Variants in CWF19L2 observed in about 807,000 individuals in gnomAD.
The protein encoded by CWF19L2 is CWF19 like cell cycle control factor 2.
A neutral mutation model predicts 111.7 loss-of-function variants in CWF19L2; 98 were observed. The observed-to-expected ratio is 0.88, with a 90% CI of 0.75 to 1.04. The LOEUF (loss-of-function observed/expected upper bound fraction) is 1.04. CWF19L2 is among the 50% of genes least tolerant of loss of function. The probability of loss-of-function intolerance (pLI) is 0.00; values close to 1 mark genes in which losing one functional copy is unlikely to be tolerated. For synonymous variants in CWF19L2, 351 were observed against 342.9 expected (o/e 1.02, Z -0.26); for missense variants, 1,101 against 1,051.4 (o/e 1.05, Z -0.65).
chr11:107,373,664 T>C lies in CWF19L2; in HGVS notation c.1872+16410A>G, dbSNP rs1217442726. On this transcript the variant is annotated intron_variant, in intron 12 of 17. Transcript: ENST00000282251. ...CCAAAAGTAGATAAAACCACAAAGA[T>C]GGGGAAAAAACAGAACAGAAAAACT... is the stretch of plus-strand genomic sequence containing the variant. 2.3e-5 allele frequency among the ~76,000 whole-genome samples: 3 copies of C among 129,376 alleles called. 1 individual carries two copies. Among genetic ancestry groups the C allele is most frequent in the African/African-American group, 9.2e-5 (3 of 32,506 alleles). The allele number at this position is 129,376 out of a possible 152,430, so 84.9% of individuals were successfully genotyped here.
chr11:107,398,150 C>G (rs577847060), intron 10 of CWF19L2, among the ~76,000 whole-genome samples: 1 of 152,178 alleles, frequency 6.6e-6, no homozygotes, highest in East Asian at 1.9e-4. Context: ...CACACTAGTT[C>G]GCCAGCAATG....
At chr11:107,457,631 G>C in intron 1 of CWF19L2, 81 bp downstream of exon 1, 3 of 997,282 alleles carry the variant, frequency 3.0e-6, no homozygotes, top group South Asian at 2.8e-5. Context: ...CGAGGTAAGG[G>C]AAGGGGTGAG....
intron 10 of CWF19L2, chr11:107,404,359 G>C: frequency 1.3e-6 from 1 of 790,354 alleles, no homozygotes. Flanking sequence ...AGACCTTTCA[G>C]CTGTACCTCA....
In CWF19L2 at chr11:107,454,525, T is replaced by G; in HGVS notation, c.264A>C (p.Lys88Asn). ...KKKKKDKHSK[K>N]AKKEKKKKSK... ...TCTTTTTTTTCTTTTCTTTCTTTGCTTTTTTTGAATGCTTGTCTTTTTTCT... is the reference window on the plus strand; with the variant it reads ...TCTTTTTTTTCTTTTCTTTCTTTGCGTTTTTTGAATGCTTGTCTTTTTTCT... The change falls in exon 3 of 18, where the codon AAA becomes AAC. Residue 88 changes from lysine (K) to asparagine (N), a missense_variant. By Grantham distance (94) the Lys-to-Asn change is moderately conservative. Coordinates refer to ENST00000282251, the MANE Select transcript of CWF19L2 (RefSeq NM_152434.3). The G allele has an allele frequency of 6.8e-7, 1 of 1,472,084 alleles. No homozygotes were observed. The highest frequency in any genetic ancestry group is 9.0e-7 in the Non-Finnish European group (1 of 1,115,656). The allele number at this position is 1,472,084 out of a possible 1,614,324, so 91.2% of individuals were successfully genotyped here.
intron 10 of CWF19L2, chr11:107,403,929 G>T: frequency 1.2e-6 from 1 of 868,400 alleles, no homozygotes. Context: ...ATTAAGGACT[G>T]GACCTGTCGT....
At chr11:107,361,169 T>A (rs1038264826) in intron 12 of CWF19L2, among the ~76,000 whole-genome samples, 1 of 152,246 alleles carries the variant, frequency 6.6e-6, no homozygotes, top group Non-Finnish European at 1.5e-5. Context: ...TTCTTCTGCA[T>A]AGGGCAAACC....
chr11:107,361,253 C>G (rs1860329818), intron 12 of CWF19L2, among the ~76,000 whole-genome samples: 1 of 152,198 alleles, frequency 6.6e-6, no homozygotes, highest in Non-Finnish European at 1.5e-5. Flanking sequence ...TGTCAAAGAT[C>G]AGTTGATTGT....
chr11:107,451,192 A>C lies in CWF19L2; in HGVS notation c.339+3258T>G, dbSNP rs144054213. 6.6e-4 allele frequency among the ~76,000 whole-genome samples: 101 copies of C among 152,258 alleles called. No homozygotes were observed. In the East Asian group the frequency reaches 0.017, roughly 26 times the overall value. ...GTCAATAACCCAAAAAAAAACTAGAAAAATCCACAAATATCTGCAAGTTTA... is the reference window on the plus strand; with the variant it reads ...GTCAATAACCCAAAAAAAAACTAGACAAATCCACAAATATCTGCAAGTTTA... On this transcript the variant is annotated intron_variant, in intron 3 of 17. Transcript: ENST00000282251.
At chr11:107,345,922 G>C (rs1325454840) in intron 14 of CWF19L2, among the ~76,000 whole-genome samples, 1 of 152,118 alleles carries the variant, frequency 6.6e-6, no homozygotes, top group African/African-American at 2.4e-5. Flanking sequence ...GAGATGACAT[G>C]AAATTCCCAT....
At chr11:107,372,586 A>G in intron 12 of CWF19L2, among the ~76,000 whole-genome samples, 1 of 137,178 alleles carries the variant, frequency 7.3e-6, no homozygotes, top group East Asian at 2.1e-4. Flanking sequence ...ACAAAATACC[A>G]TTCAAAATGT....
intron 3 of CWF19L2, among the ~76,000 whole-genome samples, chr11:107,444,119 G>T (rs1473403310): frequency 1.3e-5 from 2 of 150,356 alleles, no homozygotes; most frequent in Admixed American, 1.3e-4. Context: ...TTTTAAGGAG[G>T]GAAGGGGGAC....
intron 6 of CWF19L2, among the ~76,000 whole-genome samples, chr11:107,434,279 T>A (rs374741964): frequency 1.1e-3 from 173 of 152,148 alleles, no homozygotes; most frequent in African/African-American, 4.0e-3. Context: ...TGGAAGATAA[T>A]GCCAAAGTGG....
rs1019939101 is a variant in CWF19L2 at position 107,353,733 on chromosome 11, T to C, written c.1876A>G (p.Met626Val). 7.4e-6 allele frequency: 12 copies of C among 1,613,444 alleles called. No individual in the cohort carries two copies. The African/African-American group carries it at 8.0e-5, about 11-fold the overall frequency. ...TAATAGTCTCCATCTGTTTTTCCCA[T>C]AAACTGAAAAACCAAAATAACAGTA... ...KLFMRMASKF[M>V]GKTDGDYYTL... Residue 626 changes from methionine (M) to valine (V), a missense_variant, in exon 13 of 18, where the codon ATG becomes GTG. By Grantham distance (21) the Met-to-Val change is conservative. Transcript: ENST00000282251.
intron 10 of CWF19L2, chr11:107,404,381 A>C (rs576170962): frequency 6.0e-4 from 472 of 788,582 alleles, no homozygotes; most frequent in Non-Finnish European, 9.1e-4. Context: ...GTAGGGCATC[A>C]GCAGCTTATC....
intron 7 of CWF19L2, among the ~76,000 whole-genome samples, chr11:107,431,757 GAT>G (rs969281811): frequency 2.0e-5 from 3 of 151,980 alleles, no homozygotes; most frequent in African/African-American, 7.2e-5. Flanking sequence ...TCCAGGAAAA[GAT>G]AGAAAAATCA....
Position 107,441,487 on chromosome 11 carries a change from T to C in CWF19L2, c.570+16A>G, listed in dbSNP as rs1364950474. The C allele has an allele frequency of 1.3e-6, 2 of 1,497,230 alleles. No homozygotes were observed. Among genetic ancestry groups the C allele is most frequent in the Admixed American group, 5.3e-5 (2 of 37,894 alleles). 92.7% of individuals were successfully genotyped at this position (1,497,230 alleles called of 1,614,324 possible). A position where few individuals can be genotyped will look rare whatever the true frequency, so the allele number is the denominator to read the frequency against. ...AGGTAAATTAGAAAGTTAAAGCATT[T>C]CAAATATTCTCTTACCTGTTCAAGC... is the stretch of plus-strand genomic sequence containing the variant. On this transcript the variant is annotated intron_variant, in intron 5 of 17. Coordinates refer to ENST00000282251, the MANE Select transcript of CWF19L2 (RefSeq NM_152434.3).
intron 10 of CWF19L2, among the ~76,000 whole-genome samples, chr11:107,402,345 T>A (rs1861012557): frequency 6.7e-6 from 1 of 150,078 alleles, no homozygotes; most frequent in African/African-American, 2.5e-5. Flanking sequence ...GACAGAGGAC[T>A]AATATCCAGA....
At position 107,442,948 on chromosome 11, in the gene CWF19L2, T is replaced by C. The variant is rs186972509; in HGVS notation, c.441A>G (p.Gln147=). 10 of 1,545,278 alleles carry C rather than the reference T, an allele frequency of 6.5e-6. No individual in the cohort carries two copies. The African/African-American group carries it at 8.2e-5, about 13-fold the overall frequency. ...CAAGTGGCTTGCTTACCTTGATAAT[T>C]TGGGTGTCATCTTTTCCTGACTTTT... ...KDEKSGKDDT[Q]IIKRDEWMTV... is the part of the protein sequence containing the mutation. The change falls in exon 4 of 18, where the codon CAA becomes CAG. Residue 147 remains glutamine (Q), a synonymous_variant. Transcript: ENST00000282251.
chr11:107,360,487 G>A (rs1021149154), intron 12 of CWF19L2, among the ~76,000 whole-genome samples: 2 of 152,102 alleles, frequency 1.3e-5, no homozygotes, highest in African/African-American at 2.4e-5. Flanking sequence ...TTCCCTTTGA[G>A]TAGATAGATA....
Sources: gnomAD v4.1 joint callset for allele counts (sites outside exome capture counted in the v4.1 genomes callset) on GRCh38, gnomAD v4.1.1 for gene constraint, MANE v1.5 for transcripts, NCBI Gene and HGNC (gene_info 2026-07-23, HGNC 2026-07-21) for gene names.